PNLIPRP3: variants seen among roughly 807,000 people sequenced by gnomAD.
PNLIPRP3 encodes the protein pancreatic lipase related protein 3.
A neutral mutation model predicts 52.8 loss-of-function variants in PNLIPRP3; 58 were observed. That is an observed-to-expected ratio of 1.10 (90% CI 0.89 to 1.37). The LOEUF is 1.37. Among genes scored for constraint, PNLIPRP3 ranks in the 40% most tolerant of loss-of-function variants. The pLI is 0.00. For synonymous variants in PNLIPRP3, 192 were observed against 185.0 expected, an observed-to-expected ratio of 1.04 and a Z score of -0.31; for missense variants, 593 against 561.6, an observed-to-expected ratio of 1.06 and a Z score of -0.57.
intron 7 of PNLIPRP3, among the ~76,000 whole-genome samples, chr10:116,464,028 A>G (rs1174078404): frequency 6.6e-6 from 1 of 152,074 alleles, no homozygotes; most frequent in Non-Finnish European, 1.5e-5. Context: ...GAAAGAATAA[A>G]TGACTAGAAT....
At chr10:116,473,409 G>T (rs1472555241) in intron 10 of PNLIPRP3, among the ~76,000 whole-genome samples, 1 of 152,088 alleles carries the variant, frequency 6.6e-6, no homozygotes, top group Non-Finnish European at 1.5e-5. Flanking sequence ...GGTATATAAG[G>T]TATATTTTTA....
chr10:116,443,611 A>G lies in PNLIPRP3; in HGVS notation c.324+437A>G, dbSNP rs1051549379. Among the ~76,000 whole-genome samples the G allele has an allele frequency of 2.0e-3, 37 of 18,682 alleles. 1 individual carries two copies. Among genetic ancestry groups the G allele is most frequent in the Non-Finnish European group, 1.9e-3 (4 of 2,086 alleles). 12.3% of individuals were successfully genotyped at this position (18,682 alleles called of 152,430 possible). A position where few individuals can be genotyped will look rare whatever the true frequency, so the allele number is the denominator to read the frequency against. On this transcript the variant is annotated intron_variant, in intron 3 of 11. Coordinates refer to ENST00000369230, the MANE Select transcript of PNLIPRP3 (RefSeq NM_001011709.3). ...CGGAGTGAGAATTAAATTTATATAT[A>G]TGTGTTTTATATATATAACACATAT...
intron 4 of PNLIPRP3, among the ~76,000 whole-genome samples, chr10:116,452,600 C>A (rs1846054788): frequency 6.6e-6 from 1 of 152,186 alleles, no homozygotes; most frequent in Non-Finnish European, 1.5e-5. Flanking sequence ...CACTGCCCTG[C>A]TCAGCCTTCA....
At chr10:116,473,954 A>AG (rs1290584136) in intron 10 of PNLIPRP3, among the ~76,000 whole-genome samples, 4 of 150,610 alleles carry the variant, frequency 2.7e-5, no homozygotes, top group Admixed American at 1.3e-4. Flanking sequence ...GAACCAAAAA[A>AG]AAAAAAAAAA....
At chr10:116,456,771 T>C (rs1177917427) in intron 5 of PNLIPRP3, among the ~76,000 whole-genome samples, 1 of 152,200 alleles carries the variant, frequency 6.6e-6, no homozygotes, top group Non-Finnish European at 1.5e-5. Flanking sequence ...CCTCTCCCTC[T>C]GCATCCCCCC....
Position 116,466,107 on chromosome 10 carries a change from G to A in PNLIPRP3, c.866G>A (p.Ser289Asn). The A allele has an allele frequency of 1.2e-6, 2 of 1,613,812 alleles. No homozygotes were observed. Among genetic ancestry groups the A allele is most frequent in the Non-Finnish European group, 1.7e-6 (2 of 1,179,926 alleles). The change falls in exon 8 of 12, where the codon AGC (serine) becomes AAC (asparagine). Residue 289 changes from serine (S) to asparagine (N), a missense_variant. Ser to Asn is a conservative substitution (Grantham distance 46). Coordinates refer to ENST00000369230, the MANE Select transcript of PNLIPRP3 (RefSeq NM_001011709.3). ...CGAAGTTATCAATTTTATGCTGAAA[G>A]CATTCTTAATCCTGATGCATTTATT... ...HARSYQFYAESILNPDAFIAY... is the reference protein window; with the variant it reads ...HARSYQFYAENILNPDAFIAY...
At chr10:116,461,400 C>T in intron 7 of PNLIPRP3, 110 bp downstream of exon 7, 1 of 1,310,604 alleles carries the variant, frequency 7.6e-7, no homozygotes, top group Non-Finnish European at 1.0e-6. Flanking sequence ...TGTATTTTCT[C>T]TCAAAACACA....
chr10:116,450,700 C>T (rs936288604), intron 4 of PNLIPRP3, among the ~76,000 whole-genome samples: 1 of 151,890 alleles, frequency 6.6e-6, no homozygotes, highest in East Asian at 1.9e-4. Context: ...TTAAGATAAC[C>T]TAGAAGAAAT....
Position 116,476,813 on chromosome 10 carries a change from G to A in PNLIPRP3, c.1334G>A (p.Gly445Glu), listed in dbSNP as rs753083268. 3.1e-6 allele frequency: 5 copies of A among 1,591,746 alleles called. No homozygotes were observed. Among genetic ancestry groups the A allele is most frequent in the Non-Finnish European group, 4.3e-6 (5 of 1,171,310 alleles). ...EMVINTSGKY[G>E]YKSTFCSQDI... ...GTGATAAATACATCTGGGAAATATG[G>A]ATATAAGTAAGTATTGCTTTTTCCT... The change falls in exon 11 of 12, where the codon GGA (glycine) becomes GAA (glutamate). Residue 445 changes from glycine to glutamate, a missense_variant. By Grantham distance (98) the Gly-to-Glu change is moderately conservative. Coordinates refer to ENST00000369230, the MANE Select transcript of PNLIPRP3 (RefSeq NM_001011709.3).
At chr10:116,474,204 C>T (rs1265480092) in intron 10 of PNLIPRP3, among the ~76,000 whole-genome samples, 4 of 152,158 alleles carry the variant, frequency 2.6e-5, no homozygotes, top group Non-Finnish European at 5.9e-5. Context: ...GAAAGAATCC[C>T]CTACTCAATA....
intron 9 of PNLIPRP3, among the ~76,000 whole-genome samples, chr10:116,471,437 G>A (rs1846370562): frequency 6.6e-6 from 1 of 152,006 alleles, no homozygotes; most frequent in Non-Finnish European, 1.5e-5. Flanking sequence ...CTATATATAT[G>A]CCACACAATA....
intron 2 of PNLIPRP3, among the ~76,000 whole-genome samples, chr10:116,440,584 A>C (rs1845844259): frequency 1.3e-5 from 2 of 152,196 alleles, no homozygotes; most frequent in Non-Finnish European, 2.9e-5. Context: ...ACTCATTTAT[A>C]AACAAATCAG....
chr10:116,451,372 AATG>A (rs2133130925), intron 4 of PNLIPRP3, among the ~76,000 whole-genome samples: 1 of 152,362 alleles, frequency 6.6e-6, no homozygotes, highest in East Asian at 1.9e-4. Context: ...TGGACTTGAC[AATG>A]ATTTCCTGGA....
chr10:116,445,814 A>G (rs753219284), intron 4 of PNLIPRP3, among the ~76,000 whole-genome samples: 4 of 152,182 alleles, frequency 2.6e-5, no homozygotes, highest in Non-Finnish European at 5.9e-5. Context: ...ATTCAAGCTT[A>G]AAGAAGGAGC....
chr10:116,439,307 C>T (rs986621872), intron 2 of PNLIPRP3, among the ~76,000 whole-genome samples: 4 of 152,176 alleles, frequency 2.6e-5, no homozygotes, highest in Admixed American at 2.6e-4. Context: ...CTGACTATTT[C>T]TAGAGCACTT....
chr10:116,460,170 G>A (rs774715449), intron 5 of PNLIPRP3, among the ~76,000 whole-genome samples: 2 of 152,154 alleles, frequency 1.3e-5, no homozygotes, highest in African/African-American at 2.4e-5. Context: ...GCCTCTGCAC[G>A]GAGGACACTG....
chr10:116,455,664 AT>A (rs1846101319), intron 4 of PNLIPRP3, 57 bp from the exon 5 acceptor site: 1 of 1,248,150 alleles, frequency 8.0e-7, no homozygotes, highest in African/African-American at 1.5e-5. Context: ...TTTAAAGCAT[AT>A]TTAAGCTATT....
intron 4 of PNLIPRP3, among the ~76,000 whole-genome samples, chr10:116,450,994 C>A (rs749671086): frequency 6.6e-6 from 1 of 151,922 alleles, no homozygotes; most frequent in Admixed American, 6.6e-5. Flanking sequence ...AAAACAATCT[C>A]GAGAAAGAAG....
chr10:116,456,960 A>T (rs950391108), intron 5 of PNLIPRP3, among the ~76,000 whole-genome samples: 1 of 152,210 alleles, frequency 6.6e-6, no homozygotes, highest in Non-Finnish European at 1.5e-5. Flanking sequence ...GGTGCAGGCC[A>T]TGCCACTCCA....
Sources: allele counts gnomAD v4.1 joint callset (sites outside exome capture counted in the v4.1 genomes callset), GRCh38; gene constraint gnomAD v4.1.1; transcripts MANE v1.5; gene names NCBI Gene and HGNC (gene_info 2026-07-23, HGNC 2026-07-21).